Variants in NCOA2 observed in about 807,000 individuals in gnomAD.
NCOA2 encodes nuclear receptor coactivator 2, also known as class E basic helix-loop-helix protein 75.
Under a neutral mutation model 145.1 loss-of-function variants are expected in NCOA2, and 21 were observed. The observed-to-expected ratio is 0.14, with a 90% confidence interval of 0.10 to 0.21. NCOA2 has a LOEUF of 0.21. Among genes scored for constraint, NCOA2 ranks in the 10% least tolerant of loss-of-function variants. The pLI is 1.00. For synonymous variants in NCOA2, 619 were observed against 637.5 expected, an observed-to-expected ratio of 0.97 and a Z score of 0.44; for missense variants, 1,472 against 1,837.6, an observed-to-expected ratio of 0.80 and a Z score of 3.64.
At chr8:70,223,011 G>A (rs1820296141) in intron 2 of NCOA2, among the ~76,000 whole-genome samples, 1 of 152,134 alleles carries the variant, frequency 6.6e-6, no homozygotes, top group African/African-American at 2.4e-5. Flanking sequence ...AATATGGCCA[G>A]GAATAGCAAG....
the NCOA2 span, among the ~76,000 whole-genome samples, chr8:70,432,050 TA>T: frequency 1.3e-5 from 2 of 152,290 alleles, no homozygotes; most frequent in East Asian, 3.9e-4. Context: ...AGGGAGGACA[TA>T]AAAGTAAACC....
chr8:70,304,690 T>C (rs906616348), intron 1 of NCOA2, among the ~76,000 whole-genome samples: 7 of 151,800 alleles, frequency 4.6e-5, no homozygotes, highest in Non-Finnish European at 1.0e-4. Flanking sequence ...AGAGACAGGG[T>C]TTCACCATCT....
chr8:70,447,283 T>C, the NCOA2 span, among the ~76,000 whole-genome samples: 2 of 152,178 alleles, frequency 1.3e-5, no homozygotes, highest in African/African-American at 4.8e-5. Context: ...CTCAGTCGCA[T>C]CAGAGCACAC....
At chr8:70,429,507 TTA>T in the NCOA2 span, among the ~76,000 whole-genome samples, 1 of 152,234 alleles carries the variant, frequency 6.6e-6, no homozygotes, top group Non-Finnish European at 1.5e-5. Flanking sequence ...ATTTGTAAAT[TTA>T]TGTTTCTTTC....
chr8:70,175,704 T>C (rs1814756031), intron 4 of NCOA2, among the ~76,000 whole-genome samples: 1 of 152,236 alleles, frequency 6.6e-6, no homozygotes, highest in Admixed American at 6.5e-5. Context: ...CACATACATA[T>C]CAACAACTTG....
intron 2 of NCOA2, among the ~76,000 whole-genome samples, chr8:70,271,552 T>G (rs1325636256): frequency 6.6e-6 from 1 of 152,362 alleles, no homozygotes; most frequent in African/African-American, 2.4e-5. Flanking sequence ...TACTGAAAGT[T>G]GCTCTCACTA....
the NCOA2 span, among the ~76,000 whole-genome samples, chr8:70,439,130 G>A: frequency 6.6e-6 from 1 of 152,074 alleles, no homozygotes; most frequent in South Asian, 2.1e-4. Flanking sequence ...ATAAAATACT[G>A]CCTTTTTTTC....
At chr8:70,202,092 A>G (rs1817955420) in intron 4 of NCOA2, among the ~76,000 whole-genome samples, 1 of 152,246 alleles carries the variant, frequency 6.6e-6, no homozygotes, top group East Asian at 1.9e-4. Context: ...GATGTTCAAC[A>G]TCACTATTCA....
intron 1 of NCOA2, among the ~76,000 whole-genome samples, chr8:70,311,724 G>C (rs1251666076): frequency 6.6e-6 from 1 of 152,160 alleles, no homozygotes; most frequent in Non-Finnish European, 1.5e-5. Flanking sequence ...GGATCTCTGT[G>C]AGACCCAAGG....
intron 2 of NCOA2, among the ~76,000 whole-genome samples, chr8:70,243,889 C>T (rs1822382880): frequency 6.6e-6 from 1 of 150,860 alleles, no homozygotes; most frequent in South Asian, 2.1e-4. Flanking sequence ...ATGTAAAGTG[C>T]CAGTGTTGTC....
At chr8:70,124,123 C>T in intron 20 of NCOA2, 41 bp from the exon 21 acceptor site, 1 of 1,582,572 alleles carries the variant, frequency 6.3e-7, no homozygotes, top group Non-Finnish European at 8.6e-7. Context: ...TTACAGCTTG[C>T]TGGTATCCAG....
At chr8:70,352,682 C>A (rs997588271) in intron 1 of NCOA2, among the ~76,000 whole-genome samples, 1 of 152,160 alleles carries the variant, frequency 6.6e-6, no homozygotes, top group Admixed American at 6.5e-5. Flanking sequence ...CCAATACATA[C>A]AACAACTGCA....
chr8:70,330,192 A>G (rs1281904489), intron 1 of NCOA2, among the ~76,000 whole-genome samples: 6 of 141,834 alleles, frequency 4.2e-5, no homozygotes, highest in Non-Finnish European at 4.5e-5. Flanking sequence ...AAAACACTCA[A>G]TAAATGATGA....
At chr8:70,307,075 C>T (rs1216547108) in intron 1 of NCOA2, among the ~76,000 whole-genome samples, 1 of 152,066 alleles carries the variant, frequency 6.6e-6, no homozygotes, top group Non-Finnish European at 1.5e-5. Context: ...TCCTTATTCC[C>T]TCAAAGAAAA....
chr8:70,402,988 A>G (rs1024602436), intron 1 of NCOA2, among the ~76,000 whole-genome samples: 1 of 28,610 alleles, frequency 3.5e-5, no homozygotes, highest in African/African-American at 1.4e-4. Flanking sequence ...CTCGCCCCCC[A>G]CCCCCGGGGC....
chr8:70,180,771 A>C (rs1407417411), intron 4 of NCOA2, among the ~76,000 whole-genome samples: 1 of 152,186 alleles, frequency 6.6e-6, no homozygotes, highest in African/African-American at 2.4e-5. Context: ...CACAGGTGTG[A>C]TCATCACACA....
intron 2 of NCOA2, chr8:70,244,933 C>T (rs1189014492): frequency 6.6e-6 from 1 of 152,130 alleles, no homozygotes; most frequent in Non-Finnish European, 1.5e-5. Context: ...CAACGCACCG[C>T]ACATCCAATC....
At chr8:70,302,231 G>A (rs1279653877) in intron 1 of NCOA2, among the ~76,000 whole-genome samples, 3 of 152,012 alleles carry the variant, frequency 2.0e-5, no homozygotes, top group African/African-American at 7.2e-5. Context: ...TAATAAAATA[G>A]TAAAATTCCA....
chr8:70,315,084 G>C (rs571458503), intron 1 of NCOA2, among the ~76,000 whole-genome samples: 1 of 152,168 alleles, frequency 6.6e-6, no homozygotes, highest in Non-Finnish European at 1.5e-5. Context: ...TTTTGCCTAT[G>C]TCTTACAGAA....
Sources: allele counts gnomAD v4.1 joint callset (sites outside exome capture counted in the v4.1 genomes callset), GRCh38; gene constraint gnomAD v4.1.1; transcripts MANE v1.5; gene names NCBI Gene and HGNC (gene_info 2026-07-23, HGNC 2026-07-21).